ZNF341: variants seen among roughly 807,000 people sequenced by gnomAD.
The protein encoded by ZNF341 is zinc finger protein 341.
ZNF341 carries 52 observed loss-of-function variants against 87.7 expected under a neutral mutation model. That is an observed-to-expected ratio of 0.59 (90% CI 0.47 to 0.75). The LOEUF (loss-of-function observed/expected upper bound fraction) is 0.75. Ranked by LOEUF, ZNF341 falls within the 30% of genes least tolerant of loss-of-function variation. ZNF341 has a pLI of 0.00. For missense variants in ZNF341, 977 were observed against 1,145.9 expected (o/e 0.85, Z 2.13); for synonymous variants, 459 against 472.7 (o/e 0.97, Z 0.38).
At chr20:33,779,470 A>C (rs1005803889) in intron 10 of ZNF341, among the ~76,000 whole-genome samples, 4 of 100,638 alleles carry the variant, frequency 4.0e-5, no homozygotes, top group African/African-American at 1.6e-4. Context: ...TTTTTTTTTG[A>C]GATGGAGTCT....
At chr20:33,744,275 C>A (rs1383250700) in intron 2 of ZNF341, among the ~76,000 whole-genome samples, 2 of 149,036 alleles carry the variant, frequency 1.3e-5, no homozygotes, top group Non-Finnish European at 3.0e-5. Context: ...AAGAGTGAAA[C>A]TCTCTCTCAG....
At chr20:33,741,193 A>G (rs1326452375) in intron 2 of ZNF341, among the ~76,000 whole-genome samples, 181 bp downstream of exon 2, 1 of 152,088 alleles carries the variant, frequency 6.6e-6, no homozygotes, top group African/African-American at 2.4e-5. Context: ...TTCTCTGCTT[A>G]GCTCTGAGGA....
intron 4 of ZNF341, among the ~76,000 whole-genome samples, chr20:33,751,218 C>CAG (rs1408366086): frequency 7.2e-5 from 11 of 152,094 alleles, no homozygotes; most frequent in Admixed American, 2.0e-4. Context: ...CATAAACAGA[C>CAG]ATCTTTGCCC....
chr20:33,770,763 A>G (rs994735633), intron 10 of ZNF341, among the ~76,000 whole-genome samples: 27 of 152,236 alleles, frequency 1.8e-4, no homozygotes, highest in African/African-American at 6.5e-4. Flanking sequence ...GAAGGAGGCC[A>G]GGAGTTTGAG....
chr20:33,757,176 T>C lies in ZNF341; in HGVS notation c.770T>C (p.Val257Ala). 6.7e-7 allele frequency: 1 copy of C among 1,491,776 alleles called. No individual in the cohort carries two copies. The allele number at this position is 1,491,776 out of a possible 1,614,324, so 92.4% of individuals were successfully genotyped here. A position where few individuals can be genotyped will look rare whatever the true frequency, so the allele number is the denominator to read the frequency against. The part of the protein sequence containing the change: ...EVPNQCVEPP[V>A]YPTPTVYSPG... The stretch of plus-strand genomic sequence containing the variant: ...CCAAACCAGTGTGTGGAGCCTCCAG[T>C]ATATCCCACCCCCACAGTGTACAGC... Residue 257 changes from valine (V) to alanine (A), a missense_variant, in exon 6 of 15, where the codon GTA (valine) becomes GCA (alanine). Around this residue, in one of 3 missense-constraint regions of ZNF341, gnomAD observed 515 missense variants for 598.2 expected, o/e 0.86. Coordinates refer to ENST00000375200, the MANE Select transcript of ZNF341 (RefSeq NM_001282933.2).
intron 9 of ZNF341, 110 bp downstream of exon 9, chr20:33,767,151 T>G: frequency 7.9e-7 from 1 of 1,262,466 alleles, no homozygotes; most frequent in Non-Finnish European, 1.1e-6. Context: ...GAGTCAGACC[T>G]TCCACGGCTC....
intron 10 of ZNF341, among the ~76,000 whole-genome samples, chr20:33,775,276 C>G (rs937482885): frequency 9.4e-5 from 14 of 148,666 alleles, no homozygotes; most frequent in South Asian, 2.1e-4. Flanking sequence ...ATGGCAGGAT[C>G]TCAGCTCACT....
At position 33,757,258 on chromosome 20, in the gene ZNF341, C is replaced by T. The variant is rs769821310; in HGVS notation, c.852C>T (p.Ser284=). 3.1e-5 allele frequency: 49 copies of T among 1,605,994 alleles called. No homozygotes were observed. Among genetic ancestry groups the T allele is most frequent in the African/African-American group, 5.4e-5 (4 of 74,430 alleles). Reference sequence around the variant, plus strand: ...CAAACCCCGCCGCCCCCATGACCAGCGCCACCGGGGGCACGGTGGCCACCT... The same window carrying T: ...CAAACCCCGCCGCCCCCATGACCAGTGCCACCGGGGGCACGGTGGCCACCT... ...KGPNPAAPMT[S]ATGGTVATFD... Residue 284 remains serine (S), a synonymous_variant, in exon 6 of 15, where the codon AGC becomes AGT. Coordinates refer to ENST00000375200, the MANE Select transcript of ZNF341 (RefSeq NM_001282933.2).
intron 10 of ZNF341, 51 bp downstream of exon 10, chr20:33,770,343 G>GGGGGGGGGC: frequency 2.0e-6 from 1 of 511,254 alleles, no homozygotes. Context: ...GGTGGGCAGG[G>GGGGGGGGGC]AGCCCAGGGC....
intron 10 of ZNF341, among the ~76,000 whole-genome samples, chr20:33,772,505 T>C (rs557607373): frequency 6.6e-6 from 1 of 152,146 alleles, no homozygotes; most frequent in Non-Finnish European, 1.5e-5. Context: ...TGTAAACAAA[T>C]GCACCCTATC....
chr20:33,791,290 G>A lies in ZNF341; in HGVS notation c.2338G>A (p.Gly780Arg). The A allele has an allele frequency of 6.2e-6, 10 of 1,611,726 alleles. No homozygotes were observed. Among genetic ancestry groups the A allele is most frequent in the African/African-American group, 1.3e-5 (1 of 75,054 alleles). ...GGGGCTGGAGGAGCTGAAGGACACA[G>A]GGGCTGGGCTGGTGCCCGAGGCTGT... Reference protein sequence around the residue: ...PLGLEELKDTGAGLVPEAVPG... With the variant: ...PLGLEELKDTRAGLVPEAVPG... The change falls in exon 15 of 15, where the codon GGG (glycine) becomes AGG (arginine). Residue 780 changes from glycine (G) to arginine (R), a missense_variant. Coordinates refer to ENST00000375200, the MANE Select transcript of ZNF341 (RefSeq NM_001282933.2).
rs1461028276 is a variant in ZNF341, at chr20:33,770,293, G to T, written c.1622+1G>T. The T allele has an allele frequency of 7.5e-7, 1 of 1,329,328 alleles. No individual in the cohort carries two copies. The highest frequency in any genetic ancestry group is 1.0e-6 in the Non-Finnish European group (1 of 992,542). 82.3% of individuals were successfully genotyped at this position (1,329,328 alleles called of 1,614,324 possible). On this transcript the variant is annotated splice_donor_variant, in intron 10 of 14. Transcript: ENST00000375200. LOFTEE classifies it high-confidence loss of function. The stretch of plus-strand genomic sequence containing the variant: ...CCAAGAAGGACAATGCCGTCTACAA[G>T]TAAGTGCCTCCTGCTTCCCTCTCCC...
chr20:33,746,262 T>G (rs2122648157), intron 3 of ZNF341, among the ~76,000 whole-genome samples: 1 of 112,074 alleles, frequency 8.9e-6, no homozygotes, highest in South Asian at 3.0e-4. Context: ...AGACGGAGTT[T>G]CACTCTTGTT....
Sources: allele counts gnomAD v4.1 joint callset (sites outside exome capture counted in the v4.1 genomes callset), GRCh38; gene constraint gnomAD v4.1.1; regional missense constraint gnomAD v4.1.1; transcripts MANE v1.5; gene names NCBI Gene and HGNC (gene_info 2026-07-23, HGNC 2026-07-21).